TGFBR3: variants seen among roughly 807,000 people sequenced by gnomAD.
The protein encoded by TGFBR3 is transforming growth factor beta receptor 3.
In TGFBR3, 46 loss-of-function variants were observed where a neutral mutation model predicts 87.9. The observed-to-expected ratio is 0.52, with a 90% CI of 0.41 to 0.67. The LOEUF is 0.67. Ranked by LOEUF, TGFBR3 falls within the 30% of genes least tolerant of loss-of-function variation. The probability of loss-of-function intolerance (pLI) is 0.00; values close to 1 mark genes in which losing one functional copy is unlikely to be tolerated. For missense variants in TGFBR3, 866 were observed against 1,041.9 expected, an observed-to-expected ratio of 0.83 and a Z score of 2.32; for synonymous variants, 381 against 391.6, an observed-to-expected ratio of 0.97 and a Z score of 0.32.
At chr1:91,741,276 T>C (rs1571462126) in intron 4 of TGFBR3, among the ~76,000 whole-genome samples, 1 of 152,176 alleles carries the variant, frequency 6.6e-6, no homozygotes, top group East Asian at 1.9e-4. Flanking sequence ...TTAAGTTTAT[T>C]CATTTATGAT....
intron 3 of TGFBR3, among the ~76,000 whole-genome samples, chr1:91,782,095 A>G (rs1377281536): frequency 1.3e-5 from 2 of 152,216 alleles, no homozygotes; most frequent in African/African-American, 4.8e-5. Context: ...ACTGCAACAC[A>G]TGGGCTGACA....
chr1:91,822,763 A>C (rs1553170147), intron 2 of TGFBR3, among the ~76,000 whole-genome samples: 1 of 151,874 alleles, frequency 6.6e-6, no homozygotes, highest in Non-Finnish European at 1.5e-5. Flanking sequence ...CCATCTCTAC[A>C]CAAAAATACA....
intron 16 of TGFBR3, among the ~76,000 whole-genome samples, chr1:91,689,840 T>TAAAAA (rs545760131): frequency 4.3e-4 from 43 of 99,218 alleles, no homozygotes; most frequent in Middle Eastern, 6.4e-3. Context: ...AGAAACTGAT[T>TAAAAA]AAAAAAAAAA....
intron 2 of TGFBR3, among the ~76,000 whole-genome samples, chr1:91,816,828 T>C (rs1486509514): frequency 6.6e-6 from 1 of 152,162 alleles, no homozygotes. Flanking sequence ...GAATACAAAG[T>C]ACTTACTTTT....
At chr1:91,761,864 T>G (rs1263079840) in intron 3 of TGFBR3, among the ~76,000 whole-genome samples, 1 of 152,146 alleles carries the variant, frequency 6.6e-6, no homozygotes, top group East Asian at 1.9e-4. Flanking sequence ...CCTGAAGCTT[T>G]TTGTGGTTAC....
At chr1:91,827,191 C>G (rs1557731521) in intron 2 of TGFBR3, among the ~76,000 whole-genome samples, 1 of 152,088 alleles carries the variant, frequency 6.6e-6, no homozygotes, top group African/African-American at 2.4e-5. Context: ...ATGTAAAGTG[C>G]CAGGCATGAG....
chr1:91,745,067 C>T (rs1001173261), intron 4 of TGFBR3, among the ~76,000 whole-genome samples: 2 of 152,178 alleles, frequency 1.3e-5, no homozygotes, highest in East Asian at 3.9e-4. Flanking sequence ...CCATTTGGAA[C>T]TTGAGTTATC....
At chr1:91,815,223 A>AGG (rs1676173536) in intron 2 of TGFBR3, among the ~76,000 whole-genome samples, 1 of 150,816 alleles carries the variant, frequency 6.6e-6, no homozygotes, top group Non-Finnish European at 1.5e-5. Context: ...AATCACTTGG[A>AGG]CCCGGGAGGC....
intron 14 of TGFBR3, among the ~76,000 whole-genome samples, chr1:91,699,090 TG>T (rs1463895766): frequency 1.3e-5 from 2 of 152,172 alleles, no homozygotes; most frequent in Non-Finnish European, 1.5e-5. Context: ...CTCTTTAACA[TG>T]GCACACAAAG....
At chr1:91,890,200 T>A (rs1679415518), upstream of TGFBR3, among the ~76,000 whole-genome samples, 1 of 151,836 alleles carries the variant, frequency 6.6e-6, no homozygotes. Flanking sequence ...GCCAGCAGAG[T>A]TTCAGTGATT....
At chr1:91,739,386 A>G (rs1404167070) in intron 4 of TGFBR3, among the ~76,000 whole-genome samples, 3 of 152,212 alleles carry the variant, frequency 2.0e-5, no homozygotes, top group Non-Finnish European at 4.4e-5. Flanking sequence ...TAATTCTCCC[A>G]AAATAAATGC....
Position 91,727,615 on chromosome 1 carries a change from G to A in TGFBR3, c.885+44C>T. The A allele has an allele frequency of 3.1e-6, 5 of 1,611,288 alleles. No homozygotes were observed. The South Asian group carries it at 5.5e-5, about 18-fold the overall frequency. ...CTTATAAAGTACAGCTTAAATTGTTGTCATTTATCTAAACAAAACAAAAGA... is the reference window on the plus strand; with the variant it reads ...CTTATAAAGTACAGCTTAAATTGTTATCATTTATCTAAACAAAACAAAAGA... On this transcript the variant is annotated intron_variant, in intron 7 of 16. Transcript: ENST00000212355.
intron 8 of TGFBR3, among the ~76,000 whole-genome samples, chr1:91,721,016 C>T (rs1382137186): frequency 1.3e-5 from 2 of 152,116 alleles, no homozygotes; most frequent in African/African-American, 4.8e-5. Flanking sequence ...TGTCGTATTT[C>T]TAACAACTAA....
intron 4 of TGFBR3, among the ~76,000 whole-genome samples, chr1:91,754,686 ATTACTAGTATTAAAGTAT>A (rs1356073067): frequency 6.6e-6 from 1 of 152,208 alleles, no homozygotes; most frequent in Non-Finnish European, 1.5e-5. Flanking sequence ...AGATGCCTTT[ATTACTAGTATTAAAGTAT>A]GTTTTCAGTC....
chr1:91,744,652 G>C (rs1673275806), intron 4 of TGFBR3, among the ~76,000 whole-genome samples: 1 of 152,112 alleles, frequency 6.6e-6, no homozygotes, highest in African/African-American at 2.4e-5. Flanking sequence ...CAGACTCCAG[G>C]GTGGTGGGAG....
intron 3 of TGFBR3, among the ~76,000 whole-genome samples, chr1:91,765,706 G>A (rs1674155861): frequency 6.6e-6 from 1 of 152,220 alleles, no homozygotes; most frequent in South Asian, 2.1e-4. Flanking sequence ...AACCTTTGGA[G>A]CGTGTTTTCT....
intron 3 of TGFBR3, among the ~76,000 whole-genome samples, chr1:91,796,098 T>A (rs923665800): frequency 1.3e-5 from 2 of 152,186 alleles, no homozygotes; most frequent in African/African-American, 2.4e-5. Flanking sequence ...TACTTCACTA[T>A]GATCAGGATT....
Position 91,708,687 on chromosome 1 carries a change from T to C in TGFBR3, c.2263A>G (p.Ile755Val). Reference sequence around the variant, plus strand: ...CCTTTAGATTCTGCTTCATGGTGGATCACAGCAAGGGGCTTAGTGAACGTC... The same window carrying C: ...CCTTTAGATTCTGCTTCATGGTGGACCACAGCAAGGGGCTTAGTGAACGTC... Reference protein sequence around the residue: ...KKTFTKPLAVIHHEAESKEKG... With the variant: ...KKTFTKPLAVVHHEAESKEKG... The change falls in exon 14 of 17, where the codon ATC becomes GTC. Residue 755 changes from isoleucine (I) to valine (V), a missense_variant. Physicochemically the swap from Ile to Val is conservative, Grantham distance 29. Coordinates refer to ENST00000212355, the MANE Select transcript of TGFBR3 (RefSeq NM_003243.5). The C allele has an allele frequency of 6.2e-7, 1 of 1,614,098 alleles. No individual in the cohort carries two copies. The highest frequency in any genetic ancestry group is 8.5e-7 in the Non-Finnish European group (1 of 1,179,952).
At chr1:91,786,276 T>C (rs1433288047) in intron 3 of TGFBR3, 5 of 455,828 alleles carry the variant, frequency 1.1e-5, no homozygotes, top group South Asian at 7.8e-5. Context: ...TTAGAGAAGT[T>C]TGGTTTTATG....
Sources: allele counts gnomAD v4.1 joint callset (sites outside exome capture counted in the v4.1 genomes callset), GRCh38; gene constraint gnomAD v4.1.1; transcripts MANE v1.5; gene names NCBI Gene and HGNC (gene_info 2026-07-23, HGNC 2026-07-21).